PTPRN: variants seen among roughly 807,000 people sequenced by gnomAD.
PTPRN encodes protein tyrosine phosphatase receptor type N.
A neutral mutation model predicts 108.5 loss-of-function variants in PTPRN; 70 were observed. The observed-to-expected ratio is 0.65, with a 90% CI of 0.53 to 0.79. PTPRN has a LOEUF of 0.79. Among genes scored for constraint, PTPRN ranks in the 30% least tolerant of loss-of-function variants. PTPRN has a pLI of 0.00. For synonymous variants in PTPRN, 496 were observed against 524.6 expected, an observed-to-expected ratio of 0.95 and a Z score of 0.75; for missense variants, 1,136 against 1,295.5, an observed-to-expected ratio of 0.88 and a Z score of 1.89.
intron 3 of PTPRN, 189 bp downstream of exon 3, chr2:219,307,255 C>T (rs1952506164): frequency 1.9e-6 from 1 of 521,766 alleles, no homozygotes; most frequent in Non-Finnish European, 3.4e-6. Context: ...GAAGGCTCCT[C>T]TGGGCTTCTC....
chr2:219,307,625 T>G, intron 2 of PTPRN, 68 bp from the exon 3 acceptor site: 1 of 1,495,264 alleles, frequency 6.7e-7, no homozygotes. Context: ...AGGTTGCAAA[T>G]GGACTGTACT....
chr2:219,301,318 T>TC (rs56046697), intron 7 of PTPRN, among the ~76,000 whole-genome samples: 27,649 of 152,156 alleles, frequency 0.18, 3,328 homozygotes, highest in African/African-American at 0.34. Flanking sequence ...AACCCATCCT[T>TC]CCCGATGCCT....
At chr2:219,309,108 T>G in intron 1 of PTPRN, 110 bp downstream of exon 1, 5 of 1,286,462 alleles carry the variant, frequency 3.9e-6, no homozygotes, top group East Asian at 8.5e-5. Context: ...CCCCAACCCA[T>G]ATTCTCCCCG....
chr2:219,302,609 T>C lies in PTPRN; in HGVS notation c.606A>G (p.Glu202=). The C allele has an allele frequency of 6.2e-6, 10 of 1,613,730 alleles. No homozygotes were observed. Among genetic ancestry groups the C allele is most frequent in the Non-Finnish European group, 8.5e-6 (10 of 1,179,876 alleles). The change falls in exon 5 of 23, where the codon GAA becomes GAG. Residue 202 remains glutamate, a synonymous_variant. Coordinates refer to ENST00000295718, the MANE Select transcript of PTPRN (RefSeq NM_002846.4). ...ACAGGTAGGGCTGCAGCAAGGCAGG[T>C]TCGTAACTCAGTGAAGGGTGGGGAG... ...PQPPHPSLSY[E]PALLQPYLFH... is the part of the protein sequence containing the mutation.
intron 12 of PTPRN, 100 bp downstream of exon 12, chr2:219,298,947 A>T: frequency 7.1e-7 from 1 of 1,402,572 alleles, no homozygotes; most frequent in Non-Finnish European, 1.0e-6. Flanking sequence ...GTGCCTACGG[A>T]CACGTTTCGG....
At chr2:219,298,136 G>A (rs772633991) in intron 12 of PTPRN, 33 bp from the exon 13 acceptor site, 2 of 1,597,128 alleles carry the variant, frequency 1.3e-6, no homozygotes. Context: ...AAGGGAGGCA[G>A]TGGCATAGGG....
Position 219,289,950 on chromosome 2 carries a change from A to G in PTPRN, c.*276T>C. ...GAGAGCCAGGCCAGGGAATGTAGGC[A>G]GGAGAAGGCTCTGGGTAGAATTGCT... On this transcript the variant is annotated 3_prime_UTR_variant, in exon 23 of 23. Transcript: ENST00000295718. The G allele has an allele frequency of 2.2e-6, 1 of 450,548 alleles. No homozygotes were observed. The highest frequency in any genetic ancestry group is 3.8e-5 in the East Asian group (1 of 26,078). The allele number at this position is 450,548 out of a possible 1,614,324, so 27.9% of individuals were successfully genotyped here.
Position 219,290,361 on chromosome 2 carries a change from G to T in PTPRN, c.2869-64C>A. The T allele has an allele frequency of 6.7e-7, 1 of 1,499,998 alleles. No individual in the cohort carries two copies. Among genetic ancestry groups the T allele is most frequent in the Non-Finnish European group, 9.2e-7 (1 of 1,087,332 alleles). The allele number at this position is 1,499,998 out of a possible 1,614,324, so 92.9% of individuals were successfully genotyped here. On this transcript the variant is annotated intron_variant, in intron 22 of 22. Transcript: ENST00000295718. The surrounding 1 kb of genome is among the most constrained non-coding windows in gnomAD (Gnocchi z 4.2). The stretch of plus-strand genomic sequence containing the variant: ...TGACCTGTGCTCTGCCCTCAAGATG[G>T]GGGGCTTTTGGTGGGGGGAGGGCCC...
chr2:219,295,358 GA>G (rs1297916071), intron 18 of PTPRN: 1 of 527,498 alleles, frequency 1.9e-6, no homozygotes, highest in Non-Finnish European at 3.3e-6. Flanking sequence ...CAGCTATTGT[GA>G]GCCTCTCGAG....
At position 219,297,284 on chromosome 2, in the gene PTPRN, G is replaced by A. The variant is rs746125796; in HGVS notation, c.2037C>T (p.Cys679=). The A allele has an allele frequency of 6.8e-6, 11 of 1,613,920 alleles. No homozygotes were observed. Among genetic ancestry groups the A allele is most frequent in the African/African-American group, 2.7e-5 (2 of 74,932 alleles). The part of the protein sequence containing the change: ...PSSHSSTPSW[C]EEPAQANMDI... ...CCATGTTGGCTTGGGCCGGCTCCTCGCACCAGGACGGGGTGCTGCTGTGGG... is the reference window on the plus strand; with the variant it reads ...CCATGTTGGCTTGGGCCGGCTCCTCACACCAGGACGGGGTGCTGCTGTGGG... The change falls in exon 14 of 23, where the codon TGC becomes TGT. Residue 679 remains cysteine (C), a synonymous_variant. Transcript: ENST00000295718. The surrounding 1 kb of genome is among the most constrained non-coding windows in gnomAD (Gnocchi z 6.0).
rs1357056687 is a variant in PTPRN at position 219,300,241 on chromosome 2, C to T, written c.1180G>A (p.Glu394Lys). The T allele has an allele frequency of 6.3e-7, 1 of 1,576,474 alleles. No homozygotes were observed. The highest frequency in any genetic ancestry group is 8.6e-7 in the Non-Finnish European group (1 of 1,159,782). Residue 394 changes from glutamate to lysine, a missense_variant, in exon 9 of 23, where the codon GAG (glutamate) becomes AAG (lysine). By Grantham distance (56) the Glu-to-Lys change is moderately conservative. Coordinates refer to ENST00000295718, the MANE Select transcript of PTPRN (RefSeq NM_002846.4). ...GGAAGCTCTGCTGTGTCTCTGCCCT[C>T]CACCGGCCCCTCCATTGTCTGTTCA... ...DIKKTMEGPV[E>K]GRDTAELPAR...
At chr2:219,299,911 G>A in intron 9 of PTPRN, 74 bp downstream of exon 9, 2 of 1,589,890 alleles carry the variant, frequency 1.3e-6, no homozygotes, top group Non-Finnish European at 1.7e-6. Context: ...CTGGATTTCT[G>A]CCCTCTGCTT....
chr2:219,293,740 C>T (rs1229507444), intron 19 of PTPRN, among the ~76,000 whole-genome samples: 1 of 151,624 alleles, frequency 6.6e-6, no homozygotes, highest in Non-Finnish European at 1.5e-5. Context: ...GAAACTATAC[C>T]CATGTCCCCA....
intron 19 of PTPRN, chr2:219,292,370 C>T (rs1343849275): frequency 6.6e-6 from 1 of 152,238 alleles, no homozygotes; most frequent in African/African-American, 2.4e-5. Flanking sequence ...CCTTTATGAC[C>T]TTTCTGCTTT....
chr2:219,293,335 C>T (rs1474708408), intron 19 of PTPRN, among the ~76,000 whole-genome samples: 11 of 152,228 alleles, frequency 7.2e-5, no homozygotes, highest in Admixed American at 2.6e-4. Flanking sequence ...CGCTCGCCAC[C>T]CTGCCTGGCT....
Position 219,299,742 on chromosome 2 carries a change from G to T in PTPRN, c.1481C>A (p.Ala494Asp). Residue 494 changes from alanine (A) to aspartate (D), a missense_variant, in exon 10 of 23, where the codon GCT becomes GAT. Physicochemically the swap from Ala to Asp is moderately radical, Grantham distance 126. Transcript: ENST00000295718. ...AAGVKLLEIL[A>D]EHVHMSSGSF... ...GCCTGAGGACATGTGCACATGCTCA[G>T]CCAGGATCTCCAGCAGCTTCACTCC... 6.2e-7 allele frequency: 1 copy of T among 1,610,230 alleles called. No homozygotes were observed. Among genetic ancestry groups the T allele is most frequent in the Non-Finnish European group, 8.5e-7 (1 of 1,176,960 alleles).
Position 219,290,089 on chromosome 2 carries a change from C to A in PTPRN, c.*137G>T, listed in dbSNP as rs371621542. ...GGGCAGGCGTGCCCCTTCTGGCTTT[C>A]CCTTCCTGACTCTTCTAGGAAGGGC... On this transcript the variant is annotated 3_prime_UTR_variant, in exon 23 of 23. Coordinates refer to ENST00000295718, the MANE Select transcript of PTPRN (RefSeq NM_002846.4). The surrounding 1 kb of genome is among the most constrained non-coding windows in gnomAD (Gnocchi z 4.2). 842 of 842,206 alleles carry A rather than the reference C, an allele frequency of 1.0e-3. 9 individuals are homozygous for A. Among genetic ancestry groups the A allele is most frequent in the South Asian group, 7.5e-3 (458 of 60,706 alleles). 52.2% of individuals were successfully genotyped at this position (842,206 alleles called of 1,614,324 possible).
chr2:219,304,979 G>C (rs1456548194), intron 3 of PTPRN, among the ~76,000 whole-genome samples: 3 of 152,022 alleles, frequency 2.0e-5, no homozygotes, highest in African/African-American at 7.3e-5. Context: ...ACTTTATTCA[G>C]GATTTTATTC....
At position 219,297,169 on chromosome 2, in the gene PTPRN, G is replaced by A; in HGVS notation, c.2089-37C>T. 1 of 1,611,296 alleles carries A rather than the reference G, an allele frequency of 6.2e-7. No individual in the cohort carries two copies. ...CCACGGTCTGGCTCTGGCCCACACA[G>A]CCAGCCTGGCCTCTCTCACCATCCC... On this transcript the variant is annotated intron_variant, in intron 14 of 22. Transcript: ENST00000295718. The surrounding 1 kb of genome is among the most constrained non-coding windows in gnomAD (Gnocchi z 6.0).
Sources: allele counts gnomAD v4.1 joint callset (sites outside exome capture counted in the v4.1 genomes callset), GRCh38; gene constraint gnomAD v4.1.1; non-coding constraint Gnocchi (gnomAD v3.1); transcripts MANE v1.5; gene names NCBI Gene and HGNC (gene_info 2026-07-23, HGNC 2026-07-21).